The following AQP9 variants were observed in gnomAD, a reference collection of about 807,000 sequenced individuals.
AQP9 encodes aquaporin-9.
AQP9 carries 19 observed loss-of-function variants against 23.8 expected under a neutral mutation model. The ratio of observed to expected loss-of-function variants is 0.80; its 90% CI spans 0.56 to 1.17. The LOEUF (loss-of-function observed/expected upper bound fraction) is 1.17. AQP9 is among the 50% of genes most tolerant of loss of function. The probability of loss-of-function intolerance (pLI) is 0.00; values close to 1 mark genes in which losing one functional copy is unlikely to be tolerated. For synonymous variants in AQP9, 153 were observed against 131.5 expected, an observed-to-expected ratio of 1.16 and a Z score of -1.12; for missense variants, 413 against 362.0, an observed-to-expected ratio of 1.14 and a Z score of -1.14.
rs373851179 is a variant in AQP9 at position 58,174,971 on chromosome 15, A to C, written c.430A>C (p.Thr144Pro). ...GKLLIVGENA[T>P]AHIFATYPAP... is the part of the protein sequence containing the mutation. ...ACTGCTGATCGTGGGAGAAAATGCA[A>C]CAGCACACATTTTTGCAACATACCC... The change falls in exon 4 of 6, where the codon ACA becomes CCA. Residue 144 changes from threonine (T) to proline (P), a missense_variant. By Grantham distance (38) the Thr-to-Pro change is conservative. Transcript: ENST00000219919. 2.9e-5 allele frequency: 47 copies of C among 1,614,092 alleles called. No individual in the cohort carries two copies. The highest frequency in any genetic ancestry group is 3.9e-5 in the Non-Finnish European group (46 of 1,180,020).
At chr15:58,159,430 A>C (rs1898328576) in intron 1 of AQP9, among the ~76,000 whole-genome samples, 1 of 152,136 alleles carries the variant, frequency 6.6e-6, no homozygotes, top group East Asian at 1.9e-4. Flanking sequence ...GGACATTTTA[A>C]CACATTCATA....
rs1251246026 is a variant in AQP9 at position 58,138,673 on chromosome 15, G to A, written c.108G>A (p.Leu36=). 1 of 1,613,392 alleles carries A rather than the reference G, an allele frequency of 6.2e-7. No homozygotes were observed. The highest frequency in any genetic ancestry group is 1.1e-5 in the South Asian group (1 of 91,040). ...CTGAGTTCTTGGGCACGTTCATCTT[G>A]ATTGTAAGTATTTCCTGATTTCCTA... ...TLSEFLGTFI[L]IVLGCGCVAQ... Residue 36 remains leucine (L), a synonymous_variant, in exon 1 of 6, where the codon TTG becomes TTA. Transcript: ENST00000219919.
chr15:58,159,967 A>T (rs1218818882), intron 1 of AQP9, among the ~76,000 whole-genome samples: 1 of 152,224 alleles, frequency 6.6e-6, no homozygotes, highest in Non-Finnish European at 1.5e-5. Flanking sequence ...TGCAGTAAAC[A>T]TGAGAGTGCA....
chr15:58,148,773 G>C (rs1341232568), intron 1 of AQP9, among the ~76,000 whole-genome samples: 2 of 152,320 alleles, frequency 1.3e-5, no homozygotes, highest in South Asian at 2.1e-4. Flanking sequence ...CAGCCCAGTA[G>C]AGATAGTGGA....
chr15:58,173,272 G>A, intron 3 of AQP9, 67 bp downstream of exon 3: 1 of 1,593,144 alleles, frequency 6.3e-7, no homozygotes, highest in Non-Finnish European at 8.6e-7. Context: ...AGAATTACTT[G>A]GTAGGCACAG....
rs1417725399 is a variant in AQP9 at position 58,184,660 on chromosome 15, C to A, written c.*525C>A. ...CTATGCTACTGGATTTGTATAAATACTGATATTCTCCAAACCTAGTGGTGT... is the reference window on the plus strand; with the variant it reads ...CTATGCTACTGGATTTGTATAAATAATGATATTCTCCAAACCTAGTGGTGT... On this transcript the variant is annotated 3_prime_UTR_variant, in exon 6 of 6. Transcript: ENST00000219919. The A allele has an allele frequency of 6.6e-6, 1 of 152,612 alleles. No homozygotes were observed. The highest frequency in any genetic ancestry group is 2.4e-5 in the African/African-American group (1 of 41,430). The allele number at this position is 152,612 out of a possible 1,614,324, so 9.5% of individuals were successfully genotyped here.
At chr15:58,177,291 C>T (rs1477968391) in intron 4 of AQP9, among the ~76,000 whole-genome samples, 1 of 152,202 alleles carries the variant, frequency 6.6e-6, no homozygotes, top group Admixed American at 6.5e-5. Flanking sequence ...CCAAGTACAG[C>T]TCTATACTCT....
rs1898831983 is a variant in AQP9 at position 58,179,364 on chromosome 15, G to A, written c.713+19G>A. On this transcript the variant is annotated intron_variant, in intron 5 of 5. Transcript: ENST00000219919. The stretch of plus-strand genomic sequence containing the variant: ...TCTTCAGGTAAGTAACAGTGGTGGG[G>A]AAGAGAGAGACAGAGTCATGCTGCG... 1.3e-6 allele frequency: 2 copies of A among 1,593,528 alleles called. No homozygotes were observed. Among genetic ancestry groups the A allele is most frequent in the African/African-American group, 1.3e-5 (1 of 74,502 alleles).
At chr15:58,175,166 A>C in intron 4 of AQP9, 130 bp downstream of exon 4, 1 of 886,560 alleles carries the variant, frequency 1.1e-6, no homozygotes, top group Non-Finnish European at 1.7e-6. Context: ...TGCTGGGCAT[A>C]ACCCAAGCTT....
chr15:58,138,950 A>G (rs370470838), intron 1 of AQP9: 9 of 313,800 alleles, frequency 2.9e-5, no homozygotes, highest in African/African-American at 1.9e-4. Context: ...ATTTACTTAT[A>G]CTCTAAAATG....
rs1024192565 is a variant in AQP9, at chr15:58,184,914, C to T, written c.*779C>T. 2.0e-5 allele frequency: 3 copies of T among 152,316 alleles called. No individual in the cohort carries two copies. Among genetic ancestry groups the T allele is most frequent in the South Asian group, 2.1e-4 (1 of 4,822 alleles). 9.4% of individuals were successfully genotyped at this position (152,316 alleles called of 1,614,324 possible). ...AACCTCAGTCATGAAAAATACATCACTCTGTCTTTTTAGCTCAAATGTATT... is the reference window on the plus strand; with the variant it reads ...AACCTCAGTCATGAAAAATACATCATTCTGTCTTTTTAGCTCAAATGTATT... On this transcript the variant is annotated 3_prime_UTR_variant, in exon 6 of 6. Transcript: ENST00000219919.
chr15:58,153,523 A>G (rs1282667463), intron 1 of AQP9: 1 of 152,196 alleles, frequency 6.6e-6, no homozygotes, highest in East Asian at 1.9e-4. Flanking sequence ...CCTCAAGCCA[A>G]CTAGGCCTTA....
intron 2 of AQP9, among the ~76,000 whole-genome samples, chr15:58,169,766 T>A (rs1241519165): frequency 6.6e-6 from 1 of 152,156 alleles, no homozygotes; most frequent in African/African-American, 2.4e-5. Flanking sequence ...CAGTCAGAGG[T>A]CATAATACCC....
chr15:58,143,260 A>T (rs1277837948), intron 1 of AQP9, among the ~76,000 whole-genome samples: 2 of 152,180 alleles, frequency 1.3e-5, no homozygotes, highest in African/African-American at 4.8e-5. Flanking sequence ...AACACTGGGG[A>T]TTCTCCTTAG....
At chr15:58,153,059 C>T (rs912084450) in intron 1 of AQP9, 3 of 152,140 alleles carry the variant, frequency 2.0e-5, no homozygotes, top group Admixed American at 6.5e-5. Context: ...GTCTTTTTTA[C>T]TAATTGGCTG....
At chr15:58,162,206 A>G (rs1449871588) in intron 1 of AQP9, among the ~76,000 whole-genome samples, 1 of 152,208 alleles carries the variant, frequency 6.6e-6, no homozygotes, top group African/African-American at 2.4e-5. Flanking sequence ...GGACACTGAC[A>G]ACGTAGAGCT....
chr15:58,166,316 C>T (rs1437513328), intron 1 of AQP9, among the ~76,000 whole-genome samples: 1 of 152,124 alleles, frequency 6.6e-6, no homozygotes, highest in Non-Finnish European at 1.5e-5. Flanking sequence ...GTACATGGGA[C>T]TTTTCTGTAT....
At chr15:58,182,029 C>T (rs1010686732) in intron 5 of AQP9, among the ~76,000 whole-genome samples, 2 of 152,096 alleles carry the variant, frequency 1.3e-5, no homozygotes, top group Non-Finnish European at 2.9e-5. Context: ...CCCAGGTCCC[C>T]ATGTACTCCT....
chr15:58,138,484 G>A lies in AQP9; in HGVS notation c.-82G>A, dbSNP rs1399100519. The A allele has an allele frequency of 3.6e-6, 4 of 1,096,646 alleles. No individual in the cohort carries two copies. Among genetic ancestry groups the A allele is most frequent in the South Asian group, 2.8e-5 (2 of 72,220 alleles). 67.9% of individuals were successfully genotyped at this position (1,096,646 alleles called of 1,614,324 possible). ...GGAATCTGTGAGCCATTGTCAAAAC[G>A]TCCATTTTCATCTGGCTGTGAAAGT... On this transcript the variant is annotated 5_prime_UTR_variant, in exon 1 of 6. Coordinates refer to ENST00000219919, the MANE Select transcript of AQP9 (RefSeq NM_020980.5).
Sources: gnomAD v4.1 joint callset for allele counts (sites outside exome capture counted in the v4.1 genomes callset) on GRCh38, gnomAD v4.1.1 for gene constraint, MANE v1.5 for transcripts, NCBI Gene and HGNC (gene_info 2026-07-23, HGNC 2026-07-21) for gene names.